The following SI variants were observed in gnomAD, a reference collection of about 807,000 sequenced individuals.
SI encodes the protein sucrase-isomaltase, intestinal.
In SI, 235 loss-of-function variants were observed where a neutral mutation model predicts 253.3. That is an observed-to-expected ratio of 0.93 (90% CI 0.83 to 1.03). SI has a LOEUF of 1.03. SI is among the 50% of genes least tolerant of loss of function. SI has a pLI of 0.00. For synonymous variants in SI, 819 were observed against 712.0 expected (o/e 1.15, Z -2.39); for missense variants, 2,442 against 2,211.1 (o/e 1.10, Z -2.09).
chr3:165,046,885 A>G lies in SI; in HGVS notation c.1843T>C (p.Ser615Pro). 6.2e-7 allele frequency: 1 copy of G among 1,613,312 alleles called. No individual in the cohort carries two copies. Among genetic ancestry groups the G allele is most frequent in the African/African-American group, 1.3e-5 (1 of 75,000 alleles). Residue 615 changes from serine to proline, a missense_variant, in exon 16 of 48, where the codon TCT becomes CCT. Coordinates refer to ENST00000264382, the MANE Select transcript of SI (RefSeq NM_001041.4). ...CTGAACTCCAGCATTCCAGTTATAG[A>G]CCATTCCATTTGTTCCCATGAAGCA... is the stretch of plus-strand genomic sequence containing the variant. ...NTASWEQMEWSITGMLEFSLF... is the reference protein window; with the variant it reads ...NTASWEQMEWPITGMLEFSLF...
intron 7 of SI, among the ~76,000 whole-genome samples, chr3:165,064,680 T>TAAAG (rs1714149862): frequency 6.6e-6 from 1 of 152,106 alleles, no homozygotes; most frequent in Non-Finnish European, 1.5e-5. Flanking sequence ...AGTATAAAGA[T>TAAAG]AAAGACTAAG....
At chr3:165,054,769 A>G (rs867591509) in intron 13 of SI, among the ~76,000 whole-genome samples, 1 of 152,166 alleles carries the variant, frequency 6.6e-6, no homozygotes, top group Admixed American at 6.6e-5. Context: ...ATAGCTTACT[A>G]AAGAGAAGTC....
At chr3:164,993,046 T>C (rs1717845331) in intron 41 of SI, among the ~76,000 whole-genome samples, 1 of 151,872 alleles carries the variant, frequency 6.6e-6, no homozygotes, top group South Asian at 2.1e-4. Context: ...TTTGTTCTTT[T>C]GTTGTGGTTT....
the SI span, among the ~76,000 whole-genome samples, chr3:165,090,071 A>T: frequency 8.6e-5 from 13 of 151,980 alleles, no homozygotes; most frequent in South Asian, 2.7e-3. Context: ...TTTAACCTTG[A>T]ATGTAATGGT....
upstream of SI, among the ~76,000 whole-genome samples, chr3:165,079,163 C>G (rs1715189672): frequency 6.6e-6 from 1 of 151,464 alleles, no homozygotes; most frequent in African/African-American, 2.4e-5. Flanking sequence ...CTGGTTTAAG[C>G]TAGCATAATG....
Position 165,028,329 on chromosome 3 carries a change from T to C in SI, c.2892+2383A>G, listed in dbSNP as rs539866660. ...CGGAAACACATCCCATGCTCATGGA[T>C]GGATAGAAAGAATATTGTGAAAATG... On this transcript the variant is annotated intron_variant, in intron 25 of 47. Coordinates refer to ENST00000264382, the MANE Select transcript of SI (RefSeq NM_001041.4). Among the ~76,000 whole-genome samples, 55 of 151,662 alleles carry C rather than the reference T, an allele frequency of 3.6e-4. 2 individuals carry two copies. The South Asian group carries it at 0.011, about 31-fold the overall frequency.
At position 165,063,468 on chromosome 3, in the gene SI, A is replaced by T. The variant is rs767579358; in HGVS notation, c.881T>A (p.Val294Asp). ...IEDTSGKSFG[V>D]FLMNSNAMEI... ...CATTGCATTGCTATTCATTAAAAAA[A>T]CACCGAATGACTTTCCAGATGTATC... Residue 294 changes from valine to aspartate, a missense_variant, in exon 8 of 48, where the codon GTT becomes GAT. Transcript: ENST00000264382. 2 of 1,543,042 alleles carry T rather than the reference A, an allele frequency of 1.3e-6. No individual in the cohort carries two copies. Among genetic ancestry groups the T allele is most frequent in the South Asian group, 2.3e-5 (2 of 88,634 alleles).
chr3:165,043,272 T>A lies in SI; in HGVS notation c.1888-97A>T, dbSNP rs1046764611. ...CCTCAACTGATGAATGTGCCTTATA[T>A]ACAATTTGTTTTACTCCTTTTATAT... On this transcript the variant is annotated intron_variant, in intron 16 of 47. Coordinates refer to ENST00000264382, the MANE Select transcript of SI (RefSeq NM_001041.4). 3.7e-6 allele frequency: 3 copies of A among 801,742 alleles called. 1 individual carries two copies. The highest frequency in any genetic ancestry group is 3.0e-5 in the South Asian group (2 of 66,522). 49.7% of individuals were successfully genotyped at this position (801,742 alleles called of 1,614,324 possible).
At chr3:165,009,221 T>G in intron 35 of SI, 58 bp downstream of exon 35, 1 of 1,134,710 alleles carries the variant, frequency 8.8e-7, no homozygotes, top group Non-Finnish European at 1.3e-6. Flanking sequence ...AGTACTAATT[T>G]TGCATAATCA....
At chr3:165,065,163 G>T (rs1198483600) in intron 7 of SI, 98 bp downstream of exon 7, 4 of 775,184 alleles carry the variant, frequency 5.2e-6, no homozygotes, top group Non-Finnish European at 8.7e-6. Context: ...AAATAGTTTA[G>T]TTGATCAGTT....
rs767960242 is a variant in SI at position 165,058,992 on chromosome 3, A to C, written c.1369T>G (p.Ser457Ala). The C allele has an allele frequency of 2.5e-6, 4 of 1,611,398 alleles. No individual in the cohort carries two copies. Among genetic ancestry groups the C allele is most frequent in the Non-Finnish European group, 2.5e-6 (3 of 1,178,332 alleles). ...GNTQHVWINE[S>A]DGSTPIIGEV... ...CCAATAATTGGTGTACTTCCATCTGACTCATTTATCCACACATGTTGTGTG... is the reference window on the plus strand; with the variant it reads ...CCAATAATTGGTGTACTTCCATCTGCCTCATTTATCCACACATGTTGTGTG... The change falls in exon 12 of 48, where the codon TCA becomes GCA. Residue 457 changes from serine to alanine, a missense_variant. Coordinates refer to ENST00000264382, the MANE Select transcript of SI (RefSeq NM_001041.4).
the SI span, among the ~76,000 whole-genome samples, chr3:165,086,097 T>A: frequency 6.6e-6 from 1 of 151,858 alleles, no homozygotes; most frequent in African/African-American, 2.4e-5. Context: ...CTACTAAAAG[T>A]ACAAAAATTA....
the SI span, among the ~76,000 whole-genome samples, chr3:165,087,669 A>G: frequency 1.3e-5 from 2 of 152,206 alleles, no homozygotes; most frequent in Non-Finnish European, 2.9e-5. Flanking sequence ...ATTTCCAGGC[A>G]TAAGTTTTAT....
Position 165,018,765 on chromosome 3 carries a change from G to A in SI, c.3424-699C>T, listed in dbSNP as rs902561094. ...AAAAGTATATTAGTCTAATAATATCGGTACAAATGCTGAAGGGATTTTAAG... is the reference window on the plus strand; with the variant it reads ...AAAAGTATATTAGTCTAATAATATCAGTACAAATGCTGAAGGGATTTTAAG... On this transcript the variant is annotated intron_variant, in intron 28 of 47. Transcript: ENST00000264382. Among the ~76,000 whole-genome samples, 3 of 151,130 alleles carry A rather than the reference G, an allele frequency of 2.0e-5. No homozygotes were observed. In the Admixed American group the frequency reaches 2.0e-4, roughly 10 times the overall value.
rs1291532246 is a variant in SI at position 165,032,574 on chromosome 3, T to C, written c.2684A>G (p.Asn895Ser). ...GGAATGAGCGTTCATTGGTTGATTATTTTCCGCCACTCTAACTTCTGTAAC... is the reference window on the plus strand; with the variant it reads ...GGAATGAGCGTTCATTGGTTGATTACTTTCCGCCACTCTAACTTCTGTAAC... ...DSVTEVRVAENNQPMNAHSNF... is the reference protein window; with the variant it reads ...DSVTEVRVAESNQPMNAHSNF... The change falls in exon 24 of 48, where the codon AAT (asparagine) becomes AGT (serine). Residue 895 changes from asparagine (N) to serine (S), a missense_variant. By Grantham distance (46) the Asn-to-Ser change is conservative. Transcript: ENST00000264382. The C allele has an allele frequency of 6.2e-7, 1 of 1,609,418 alleles. No homozygotes were observed.
At chr3:165,006,692 A>G (rs1718525385) in intron 37 of SI, 124 bp downstream of exon 37, 1 of 785,420 alleles carries the variant, frequency 1.3e-6, no homozygotes, top group Admixed American at 2.3e-5. Flanking sequence ...GGAAGAAGTT[A>G]CAGAGAACAA....
At chr3:165,089,890 C>T in the SI span, among the ~76,000 whole-genome samples, 3 of 151,830 alleles carry the variant, frequency 2.0e-5, no homozygotes, top group South Asian at 6.2e-4. Context: ...TTGAAAAATA[C>T]GACAGAGAGG....
At chr3:165,052,054 A>G (rs559247718) in intron 13 of SI, among the ~76,000 whole-genome samples, 1 of 152,102 alleles carries the variant, frequency 6.6e-6, no homozygotes, top group African/African-American at 2.4e-5. Flanking sequence ...AATACATGAC[A>G]TTTAATATTT....
chr3:164,992,324 C>G lies in SI; in HGVS notation c.4915G>C (p.Val1639Leu). 2 of 1,613,320 alleles carry G rather than the reference C, an allele frequency of 1.2e-6. No homozygotes were observed. Among genetic ancestry groups the G allele is most frequent in the Non-Finnish European group, 1.7e-6 (2 of 1,179,470 alleles). ...LWGPAFMVTP[V>L]LEPYVQTVNA... Reference sequence around the variant, plus strand: ...GTGGTAGGACTTACAGGTTCCAGTACTGGGGTAACCATAAATGCTGGACCC... The same window carrying G: ...GTGGTAGGACTTACAGGTTCCAGTAGTGGGGTAACCATAAATGCTGGACCC... Residue 1639 changes from valine to leucine, a missense_variant, in exon 42 of 48, where the codon GTA becomes CTA. Physicochemically the swap from Val to Leu is conservative, Grantham distance 32 (BLOSUM62 1). Coordinates refer to ENST00000264382, the MANE Select transcript of SI (RefSeq NM_001041.4).
Sources: allele counts gnomAD v4.1 joint callset (sites outside exome capture counted in the v4.1 genomes callset), GRCh38; gene constraint gnomAD v4.1.1; transcripts MANE v1.5; gene names NCBI Gene and HGNC (gene_info 2026-07-23, HGNC 2026-07-21).